TRAM1: variants seen among roughly 807,000 people sequenced by gnomAD.
The protein encoded by TRAM1 is translocation associated membrane protein 1, also known as translocating chain-associated membrane protein 1.
In TRAM1, 17 loss-of-function variants were observed where a neutral mutation model predicts 48.7. The ratio of observed to expected loss-of-function variants is 0.35; its 90% confidence interval spans 0.24 to 0.52. The LOEUF is 0.52. Among genes scored for constraint, TRAM1 ranks in the 20% least tolerant of loss-of-function variants. The pLI, the probability that TRAM1 is intolerant of heterozygous loss-of-function variation, is 0.94. For synonymous variants in TRAM1, 182 were observed against 154.0 expected (o/e 1.18, Z -1.34); for missense variants, 351 against 441.5 (o/e 0.79, Z 1.84).
At chr8:70,604,658 A>G (rs1375455399) in intron 1 of TRAM1, among the ~76,000 whole-genome samples, 1 of 150,206 alleles carries the variant, frequency 6.7e-6, no homozygotes, top group African/African-American at 2.4e-5. Context: ...AAAAGGAAAG[A>G]AAAAAAAAAC....
At chr8:70,604,565 G>T (rs1468954610) in intron 1 of TRAM1, among the ~76,000 whole-genome samples, 1 of 151,836 alleles carries the variant, frequency 6.6e-6, no homozygotes, top group Admixed American at 6.6e-5. Flanking sequence ...GATGATTGGG[G>T]TTTCACGCTT....
intron 2 of TRAM1, 121 bp downstream of exon 2, chr8:70,599,898 T>C: frequency 1.4e-6 from 1 of 732,296 alleles, no homozygotes; most frequent in Non-Finnish European, 2.4e-6. Context: ...TAACATTCAG[T>C]CACATCATGG....
chr8:70,598,573 A>G (rs1817539493), intron 2 of TRAM1, among the ~76,000 whole-genome samples: 2 of 152,230 alleles, frequency 1.3e-5, no homozygotes, highest in South Asian at 4.1e-4. Context: ...AATTAGGTTG[A>G]TAAAGTTATA....
At chr8:70,585,735 C>T (rs1360589322) in intron 8 of TRAM1, among the ~76,000 whole-genome samples, 1 of 65,082 alleles carries the variant, frequency 1.5e-5, no homozygotes, top group South Asian at 5.4e-4. Context: ...CCATCTCACA[C>T]CAGTTAGGAA....
At chr8:70,578,211 G>A (rs7015016) in intron 10 of TRAM1, among the ~76,000 whole-genome samples, 10,546 of 152,302 alleles carry the variant, frequency 0.069, 422 homozygotes, top group Non-Finnish European at 0.078. Context: ...TCAGGATCAA[G>A]GGATCCTCCC....
intron 1 of TRAM1, 145 bp downstream of exon 1, chr8:70,607,932 G>GC: frequency 9.8e-7 from 1 of 1,020,726 alleles, no homozygotes; most frequent in Non-Finnish European, 1.3e-6. Context: ...GGCAGGGAAG[G>GC]CCTGCACCTC....
At chr8:70,577,948 C>T (rs1312742664) in intron 10 of TRAM1, among the ~76,000 whole-genome samples, 1 of 152,234 alleles carries the variant, frequency 6.6e-6, no homozygotes, top group Non-Finnish European at 1.5e-5. Context: ...AGCTGCCTGC[C>T]CCGTGGCAGC....
intron 4 of TRAM1, 28 bp from the exon 5 acceptor site, chr8:70,596,349 T>C (rs762269234): frequency 1.3e-6 from 2 of 1,544,324 alleles, no homozygotes; most frequent in Non-Finnish European, 1.8e-6. Flanking sequence ...AAAATTAACC[T>C]GTGAGCATAA....
intron 10 of TRAM1, among the ~76,000 whole-genome samples, chr8:70,580,749 CAA>C (rs201859554): frequency 4.1e-5 from 5 of 121,340 alleles, no homozygotes; most frequent in Non-Finnish European, 1.8e-5. Context: ...GATTGCCCAC[CAA>C]AAAAAAAAAA....
intron 1 of TRAM1, among the ~76,000 whole-genome samples, chr8:70,600,532 T>C (rs1170783724): frequency 6.6e-6 from 1 of 152,164 alleles, no homozygotes; most frequent in East Asian, 1.9e-4. Context: ...CCAGCAGAGT[T>C]AAGTGGTCAA....
chr8:70,587,132 G>C lies in TRAM1; in HGVS notation c.615C>G (p.Phe205Leu). 1 of 1,613,976 alleles carries C rather than the reference G, an allele frequency of 6.2e-7. No individual in the cohort carries two copies. The highest frequency in any genetic ancestry group is 1.7e-5 in the Admixed American group (1 of 59,960). Residue 205 changes from phenylalanine (F) to leucine (L), a missense_variant, in exon 7 of 11, where the codon TTC (phenylalanine) becomes TTG (leucine). By Grantham distance (22) the Phe-to-Leu change is conservative (BLOSUM62 0). Transcript: ENST00000262213. The part of the protein sequence containing the change: ...RQLVYIGLYL[F>L]HIAGAYLLNL... The stretch of plus-strand genomic sequence containing the variant: ...TCAAAAGGTAAGCTCCAGCAATGTG[G>C]AAGAGGTAAAGACCAATGTAGACAA...
In TRAM1 at chr8:70,590,474, A is replaced by G. The variant is rs527844985; in HGVS notation, c.571-3298T>C. The stretch of plus-strand genomic sequence containing the variant: ...TTCCTAAGTTCAGATTCAACTTTGT[A>G]TCTTAGCCCCATACCTCCTTTTTAA... On this transcript the variant is annotated intron_variant, in intron 6 of 10. Transcript: ENST00000262213. Among the ~76,000 whole-genome samples, 5 of 152,348 alleles carry G rather than the reference A, an allele frequency of 3.3e-5. No homozygotes were observed. The East Asian group carries it at 9.6e-4, about 29-fold the overall frequency.
chr8:70,585,652 C>G (rs2132030350), intron 8 of TRAM1, among the ~76,000 whole-genome samples: 1 of 138,914 alleles, frequency 7.2e-6, no homozygotes, highest in African/African-American at 2.6e-5. Context: ...ATTTATGCAG[C>G]CAAAAAACAC....
intron 1 of TRAM1, chr8:70,606,802 A>C: frequency 3.8e-6 from 3 of 780,952 alleles, no homozygotes; most frequent in Non-Finnish European, 4.7e-6. Flanking sequence ...AGGCGAAAAT[A>C]AGGTTAAAAT....
intron 10 of TRAM1, among the ~76,000 whole-genome samples, chr8:70,581,988 T>C (rs1203405818): frequency 6.6e-6 from 1 of 152,148 alleles, no homozygotes; most frequent in African/African-American, 2.4e-5. Context: ...CTAAGGGGCA[T>C]GGGGTTTCTT....
At chr8:70,579,922 A>G (rs974019536) in intron 10 of TRAM1, among the ~76,000 whole-genome samples, 1 of 152,226 alleles carries the variant, frequency 6.6e-6, no homozygotes, top group Non-Finnish European at 1.5e-5. Flanking sequence ...TAAGTGAATT[A>G]GGAAGACTTT....
intron 6 of TRAM1, among the ~76,000 whole-genome samples, chr8:70,593,928 G>A (rs1267321279): frequency 6.6e-6 from 1 of 152,138 alleles, no homozygotes; most frequent in African/African-American, 2.4e-5. Flanking sequence ...GTAAAACTAG[G>A]AAGGAGGATT....
chr8:70,576,202 A>G (rs1455461169), intron 10 of TRAM1, among the ~76,000 whole-genome samples: 1 of 152,132 alleles, frequency 6.6e-6, no homozygotes, highest in African/African-American at 2.4e-5. Context: ...TTCACAAGAG[A>G]TACAAATCAA....
chr8:70,598,116 C>A lies in TRAM1; in HGVS notation c.309+18G>T, dbSNP rs750199940. On this transcript the variant is annotated intron_variant, in intron 3 of 10. Coordinates refer to ENST00000262213, the MANE Select transcript of TRAM1 (RefSeq NM_014294.6). ...CTAGTACTTTATAAAGTATAGATTT[C>A]TAAGACTGCATACTTACATCCAACA... 5 of 1,606,530 alleles carry A rather than the reference C, an allele frequency of 3.1e-6. No individual in the cohort carries two copies. The East Asian group carries it at 1.1e-4, about 36-fold the overall frequency.
Sources: allele counts gnomAD v4.1 joint callset (sites outside exome capture counted in the v4.1 genomes callset), GRCh38; gene constraint gnomAD v4.1.1; transcripts MANE v1.5; gene names NCBI Gene and HGNC (gene_info 2026-07-23, HGNC 2026-07-21).